Variants in UBAC2 observed in about 807,000 individuals in gnomAD.
UBAC2 encodes the protein UBA domain containing 2.
A neutral mutation model predicts 44.0 loss-of-function variants in UBAC2; 26 were observed. The observed-to-expected ratio is 0.59, with a 90% confidence interval of 0.43 to 0.82. UBAC2 has a LOEUF of 0.82. UBAC2 is among the 40% of genes least tolerant of loss of function. The pLI is 0.00. For synonymous variants in UBAC2, 155 were observed against 154.3 expected (o/e 1.00, Z -0.04); for missense variants, 329 against 419.4 (o/e 0.78, Z 1.88).
In UBAC2 at chr13:99,346,390, A is replaced by G. The variant is rs111287787; in HGVS notation, c.807+5825A>G. 8.2e-3 allele frequency among the ~76,000 whole-genome samples: 1,242 copies of G among 152,216 alleles called. 11 individuals are homozygous for G. Among genetic ancestry groups the G allele is most frequent in the South Asian group, 0.056 (269 of 4,816 alleles). ...ATCTGCTTGTTTCACTCCAGCTATC[A>G]TCCTTCAGGGCCTCTCCATAGCTTT... On this transcript the variant is annotated intron_variant, in intron 7 of 8. Coordinates refer to ENST00000403766, the MANE Select transcript of UBAC2 (RefSeq NM_001144072.2).
intron 4 of UBAC2, among the ~76,000 whole-genome samples, chr13:99,247,171 A>G (rs2043393783): frequency 6.6e-6 from 1 of 150,906 alleles, no homozygotes; most frequent in Non-Finnish European, 1.5e-5. Context: ...GCAAAGCTTC[A>G]AAAACTAAAG....
chr13:99,253,469 CT>C lies in UBAC2; in HGVS notation c.389+8854del, dbSNP rs942685164. The stretch of plus-strand genomic sequence containing the variant: ...TTATTATTAGACTTTTTGTGTTTAT[CT>C]TTTTTTTTAAGGAATATGAATTTAC... On this transcript the variant is annotated intron_variant, in intron 4 of 8. Coordinates refer to ENST00000403766, the MANE Select transcript of UBAC2 (RefSeq NM_001144072.2). Among the ~76,000 whole-genome samples the C allele has an allele frequency of 3.3e-5, 5 of 150,492 alleles. No individual in the cohort carries two copies. In the South Asian group the frequency reaches 1.1e-3, roughly 32 times the overall value.
chr13:99,351,978 C>T, intron 7 of UBAC2: 1 of 343,872 alleles, frequency 2.9e-6, no homozygotes, highest in Non-Finnish European at 5.8e-6. Context: ...AGTTTAGCTG[C>T]ACATCCTCAC....
intron 1 of UBAC2, among the ~76,000 whole-genome samples, chr13:99,222,921 A>G (rs181124688): frequency 5.9e-5 from 9 of 152,290 alleles, no homozygotes; most frequent in Non-Finnish European, 7.4e-5. Flanking sequence ...TTTGTATAGA[A>G]TTGGTATTTA....
intron 4 of UBAC2, among the ~76,000 whole-genome samples, chr13:99,244,964 C>G (rs2043365242): frequency 6.6e-6 from 1 of 152,104 alleles, no homozygotes; most frequent in Admixed American, 6.5e-5. Context: ...TCCCAAGTAG[C>G]TGGGACTACA....
intron 4 of UBAC2, among the ~76,000 whole-genome samples, chr13:99,261,179 T>C (rs956823114): frequency 6.6e-6 from 1 of 152,220 alleles, no homozygotes. Context: ...CCACTGTTGT[T>C]ACTGTTCATG....
At chr13:99,312,187 A>G (rs2044420962) in intron 4 of UBAC2, among the ~76,000 whole-genome samples, 1 of 152,254 alleles carries the variant, frequency 6.6e-6, no homozygotes, top group Admixed American at 6.5e-5. Context: ...AAAATAACGT[A>G]GTCTCTATCA....
At chr13:99,213,630 G>C (rs2142661746) in intron 1 of UBAC2, among the ~76,000 whole-genome samples, 1 of 152,202 alleles carries the variant, frequency 6.6e-6, no homozygotes, top group East Asian at 1.9e-4. Flanking sequence ...AGAGTGCTGG[G>C]ATTACAGGCA....
At chr13:99,271,151 T>A (rs2043810399) in intron 4 of UBAC2, among the ~76,000 whole-genome samples, 1 of 152,130 alleles carries the variant, frequency 6.6e-6, no homozygotes, top group Non-Finnish European at 1.5e-5. Context: ...AAAATAAAAA[T>A]TTGTAATATA....
Position 99,219,632 on chromosome 13 carries a change from A to T in UBAC2, c.31+18693A>T, listed in dbSNP as rs542543287. Among the ~76,000 whole-genome samples, 23 of 152,284 alleles carry T rather than the reference A, an allele frequency of 1.5e-4. No individual in the cohort carries two copies. In the South Asian group the frequency reaches 4.6e-3, roughly 30 times the overall value. ...ACTATTGTTAGTGTTAGTGTACTTTATGTGTGGCCCAAGATAATTCTTCTT... is the reference window on the plus strand; with the variant it reads ...ACTATTGTTAGTGTTAGTGTACTTTTTGTGTGGCCCAAGATAATTCTTCTT... On this transcript the variant is annotated intron_variant, in intron 1 of 8. Transcript: ENST00000403766.
In UBAC2 at chr13:99,295,453, T is replaced by C. The variant is rs1403674651; in HGVS notation, c.390-18644T>C. 1 of 1,613,980 alleles carries C rather than the reference T, an allele frequency of 6.2e-7. No individual in the cohort carries two copies. The highest frequency in any genetic ancestry group is 1.1e-5 in the South Asian group (1 of 91,070). The stretch of plus-strand genomic sequence containing the variant: ...TGTTTACACCAGATTTCTCAGTGAG[T>C]GGGTTTTGTTTGGCAGTTCTGAAGA... On this transcript the variant is annotated intron_variant, in intron 4 of 8. Transcript: ENST00000403766. The surrounding 1 kb of genome is among the most constrained non-coding windows in gnomAD (Gnocchi z 4.1).
intron 7 of UBAC2, among the ~76,000 whole-genome samples, chr13:99,342,359 C>G (rs962522467): frequency 2.6e-5 from 4 of 152,152 alleles, no homozygotes; most frequent in African/African-American, 9.7e-5. Flanking sequence ...GTTAGGGCTT[C>G]AGCGTGTGAA....
intron 7 of UBAC2, among the ~76,000 whole-genome samples, chr13:99,357,866 T>C (rs2045210113): frequency 6.6e-6 from 1 of 152,198 alleles, no homozygotes. Context: ...AACTCAGCAA[T>C]ATGCCTCACT....
intron 4 of UBAC2, chr13:99,255,153 C>A: frequency 6.2e-7 from 1 of 1,614,132 alleles, no homozygotes; most frequent in Non-Finnish European, 8.5e-7. Flanking sequence ...AGACGAGCAC[C>A]TGCACCAGCA....
chr13:99,232,683 A>T (rs1338981883), intron 1 of UBAC2, among the ~76,000 whole-genome samples: 1 of 152,138 alleles, frequency 6.6e-6, no homozygotes, highest in Non-Finnish European at 1.5e-5. Context: ...GCACTTTGGG[A>T]GGCCGAGGCG....
At chr13:99,316,780 A>G (rs375297206) in intron 5 of UBAC2, among the ~76,000 whole-genome samples, 1 of 152,202 alleles carries the variant, frequency 6.6e-6, no homozygotes, top group African/African-American at 2.4e-5. Context: ...AAGAGTGGAG[A>G]GCATGGCTGT....
chr13:99,337,721 G>A (rs2044810026), intron 6 of UBAC2, among the ~76,000 whole-genome samples: 1 of 152,110 alleles, frequency 6.6e-6, no homozygotes, highest in South Asian at 2.1e-4. Flanking sequence ...CTGTGCAGAG[G>A]CCTTGGCCTT....
intron 1 of UBAC2, chr13:99,201,456 C>T (rs771579815): frequency 2.5e-6 from 4 of 1,614,048 alleles, no homozygotes; most frequent in South Asian, 2.2e-5. Flanking sequence ...TAGACAAACA[C>T]ACACTGATGA....
intron 5 of UBAC2, 42 bp downstream of exon 5, chr13:99,314,262 CTTT>C (rs57005833): frequency 3.1e-3 from 3,582 of 1,142,754 alleles, no homozygotes; most frequent in South Asian, 7.3e-3. Context: ...TTAACCAGAT[CTTT>C]TTTTTTTTTT....
Sources: allele counts gnomAD v4.1 joint callset (sites outside exome capture counted in the v4.1 genomes callset), GRCh38; gene constraint gnomAD v4.1.1; non-coding constraint Gnocchi (gnomAD v3.1); transcripts MANE v1.5; gene names NCBI Gene and HGNC (gene_info 2026-07-23, HGNC 2026-07-21).